AHRR: variants seen among roughly 807,000 people sequenced by gnomAD.
The protein encoded by AHRR is ahR repressor.
Under a neutral mutation model 44.0 loss-of-function variants are expected in AHRR, and 28 were observed. The ratio of observed to expected loss-of-function variants is 0.64; its 90% confidence interval spans 0.47 to 0.87. AHRR has a LOEUF of 0.87. Among genes scored for constraint, AHRR ranks in the 40% least tolerant of loss-of-function variants. The pLI, the probability that AHRR is intolerant of heterozygous loss-of-function variation, is 0.00. For synonymous variants in AHRR, 434 were observed against 407.0 expected (o/e 1.07, Z -0.80); for missense variants, 990 against 953.9 (o/e 1.04, Z -0.50).
intron 4 of AHRR, among the ~76,000 whole-genome samples, chr5:389,992 G>A (rs966909896): frequency 4.1e-4 from 62 of 151,202 alleles, no homozygotes; most frequent in Admixed American, 7.2e-4. Context: ...ACAGTGATGC[G>A]CAGAATGCAG....
At chr5:428,049 C>T (rs768238670) in intron 8 of AHRR, 43 bp downstream of exon 8, 24 of 1,572,572 alleles carry the variant, frequency 1.5e-5, no homozygotes, top group African/African-American at 1.4e-4. Flanking sequence ...TGCCTGCTGG[C>T]GGCCCCCACA....
intron 2 of AHRR, among the ~76,000 whole-genome samples, chr5:350,464 C>T (rs147280072): frequency 3.9e-5 from 6 of 152,322 alleles, no homozygotes; most frequent in African/African-American, 7.2e-5. Flanking sequence ...TTCTCCTGCA[C>T]GCCCTCAGGG....
At chr5:324,811 G>A (rs577752017) in intron 1 of AHRR, among the ~76,000 whole-genome samples, 33 of 152,090 alleles carry the variant, frequency 2.2e-4, no homozygotes, top group Non-Finnish European at 3.4e-4. Context: ...AACAAAAAAC[G>A]AAAAACCCAA....
In AHRR at chr5:434,735, G is replaced by A. The variant is rs748467449; in HGVS notation, c.1995G>A (p.Trp665Ter). The A allele has an allele frequency of 1.9e-6, 3 of 1,570,156 alleles. No homozygotes were observed. The highest frequency in any genetic ancestry group is 1.4e-5 in the African/African-American group (1 of 73,950). Residue 665 changes from tryptophan to a stop codon, truncating the protein, a stop_gained, in exon 11 of 11, where the codon TGG becomes TGA. Transcript: ENST00000684583. LOFTEE classifies it low-confidence loss of function (END_TRUNC). The part of the protein sequence containing the change: ...VKREPLDSPQ[W>*]ATHSQGMVPG... ...GGGAGCCCTTGGACTCACCCCAGTG[G>A]GCTACTCACAGCCAGGGAATGGTGC...
chr5:405,371 A>G lies in AHRR; in HGVS notation c.352-7973A>G, dbSNP rs1048558485. ...GAAACGTGGTGGAGTTCAGGGTGAT[A>G]ACGATGGGCTTCTTTACTGATGCCA... On this transcript the variant is annotated intron_variant, in intron 4 of 10. Transcript: ENST00000684583. This position sits in a 1 kb window ranked among gnomAD's most constrained non-coding sequence, Gnocchi z 4.5. 7.9e-5 allele frequency among the ~76,000 whole-genome samples: 12 copies of G among 152,106 alleles called. No homozygotes were observed. Among genetic ancestry groups the G allele is most frequent in the African/African-American group, 2.9e-4 (12 of 41,408 alleles).
chr5:424,707 G>T (rs1291572713), intron 7 of AHRR, among the ~76,000 whole-genome samples: 2 of 152,178 alleles, frequency 1.3e-5, no homozygotes, highest in African/African-American at 4.8e-5. Flanking sequence ...AGAGCCTCTG[G>T]CTGTGGCTGG....
In AHRR at chr5:387,480, C is replaced by G. The variant is rs1316093803; in HGVS notation, c.351+10764C>G. ...TCCTCCATCCACAGGGACGGATTTT[C>G]TCTCCAGGTGCTTATGTGCACACAA... On this transcript the variant is annotated intron_variant, in intron 4 of 10. Coordinates refer to ENST00000684583, the MANE Select transcript of AHRR (RefSeq NM_001377236.1). This position sits in a 1 kb window ranked among gnomAD's most constrained non-coding sequence, Gnocchi z 5.1. Among the ~76,000 whole-genome samples, 1 of 152,250 alleles carries G rather than the reference C, an allele frequency of 6.6e-6. No individual in the cohort carries two copies. The highest frequency in any genetic ancestry group is 1.5e-5 in the Non-Finnish European group (1 of 68,044).
Position 404,116 on chromosome 5 carries a change from G to A in AHRR, c.352-9228G>A. On this transcript the variant is annotated intron_variant, in intron 4 of 10. Transcript: ENST00000684583. This position sits in a 1 kb window ranked among gnomAD's most constrained non-coding sequence, Gnocchi z 4.1. ...CGTTGTCAGGGTTGGTCCAGGTTTG[G>A]GGTTACCCTTCTCCGTCTCTCTCAG... 1.7e-6 allele frequency: 1 copy of A among 572,160 alleles called. No homozygotes were observed. Among genetic ancestry groups the A allele is most frequent in the Non-Finnish European group, 3.3e-6 (1 of 300,650 alleles). 35.4% of individuals were successfully genotyped at this position (572,160 alleles called of 1,614,324 possible).
At chr5:423,732 A>G (rs1366724219) in intron 6 of AHRR, 109 bp from the exon 7 acceptor site, 1 of 1,397,692 alleles carries the variant, frequency 7.2e-7, no homozygotes, top group Non-Finnish European at 9.5e-7. Flanking sequence ...TGGCACAGTG[A>G]TAGGGTTTAC....
rs779114387 is a variant in AHRR at position 423,810 on chromosome 5, C to T, written c.572-31C>T. 3.6e-4 allele frequency: 564 copies of T among 1,564,860 alleles called. 3 individuals are homozygous for T. The highest frequency in any genetic ancestry group is 6.8e-4 in the East Asian group (30 of 44,164). On this transcript the variant is annotated intron_variant, in intron 6 of 10. Transcript: ENST00000684583. The stretch of plus-strand genomic sequence containing the variant: ...ACACGTGTGTTTTGGCTTCTCCCAC[C>T]GCCACGCCCCTTGGCCCCTATGGTC...
In AHRR at chr5:403,099, G is replaced by A. The variant is rs549481727; in HGVS notation, c.352-10245G>A. ...CACTGTGGCTCGGATCCACCTTGAC[G>A]ACTCTGCGGAGTGAAACAAAGTCAA... On this transcript the variant is annotated intron_variant, in intron 4 of 10. Coordinates refer to ENST00000684583, the MANE Select transcript of AHRR (RefSeq NM_001377236.1). 6.8e-4 allele frequency among the ~76,000 whole-genome samples: 104 copies of A among 152,306 alleles called. 1 individual carries two copies. The highest frequency in any genetic ancestry group is 4.4e-3 in the South Asian group (21 of 4,824).
rs140390072 is a variant in AHRR at position 348,632 on chromosome 5, C to T, written c.62+4668C>T. On this transcript the variant is annotated intron_variant, in intron 2 of 10. Coordinates refer to ENST00000684583, the MANE Select transcript of AHRR (RefSeq NM_001377236.1). ...AATCACACAGCATTTTGTCTGTCTG[C>T]ACTTGGTATAAAAGTTCTGAGATTC... is the stretch of plus-strand genomic sequence containing the variant. Among the ~76,000 whole-genome samples, 779 of 152,320 alleles carry T rather than the reference C, an allele frequency of 5.1e-3. 12 individuals are homozygous for T. Among genetic ancestry groups the T allele is most frequent in the African/African-American group, 0.018 (731 of 41,570 alleles).
chr5:345,792 C>G (rs1742652609), intron 2 of AHRR, among the ~76,000 whole-genome samples: 1 of 152,014 alleles, frequency 6.6e-6, no homozygotes, highest in Non-Finnish European at 1.5e-5. Context: ...CTGCGGGGCC[C>G]CAGGAGGAGC....
chr5:421,218 C>T, intron 5 of AHRR: 2 of 681,120 alleles, frequency 2.9e-6, no homozygotes, highest in Non-Finnish European at 5.3e-6. Flanking sequence ...CAGCGGCCTC[C>T]TCGTCGGCAA....
In AHRR at chr5:392,804, G is replaced by A. The variant is rs187706870; in HGVS notation, c.351+16088G>A. 4.4e-3 allele frequency among the ~76,000 whole-genome samples: 672 copies of A among 152,108 alleles called. 5 individuals carry two copies. The highest frequency in any genetic ancestry group is 0.015 in the African/African-American group (635 of 41,470). ...TTACGTCATTTCATCAGGCCTTACC[G>A]CGACTGCCTCAGGCCTTACCGTGGC... is the stretch of plus-strand genomic sequence containing the variant. On this transcript the variant is annotated intron_variant, in intron 4 of 10. Coordinates refer to ENST00000684583, the MANE Select transcript of AHRR (RefSeq NM_001377236.1).
chr5:425,954 C>T (rs570328507), intron 7 of AHRR, among the ~76,000 whole-genome samples: 45 of 152,268 alleles, frequency 3.0e-4, no homozygotes, highest in Non-Finnish European at 5.3e-4. Flanking sequence ...CTCCCTCATG[C>T]CACCCACAGG....
chr5:326,171 C>T lies in AHRR; in HGVS notation c.-11+4352C>T, dbSNP rs547311558. Among the ~76,000 whole-genome samples the T allele has an allele frequency of 7.9e-4, 120 of 152,346 alleles. No individual in the cohort carries two copies. The highest frequency in any genetic ancestry group is 2.7e-3 in the African/African-American group (113 of 41,586). On this transcript the variant is annotated intron_variant, in intron 1 of 10. Transcript: ENST00000684583. This position sits in a 1 kb window ranked among gnomAD's most constrained non-coding sequence, Gnocchi z 4.1. The stretch of plus-strand genomic sequence containing the variant: ...AGTTCAGGGGCATTTAGTACATTGA[C>T]GAAGTTGTGCAGCCACTGCCTCTCT...
intron 3 of AHRR, among the ~76,000 whole-genome samples, chr5:372,097 T>A (rs1215479629): frequency 6.6e-6 from 1 of 152,246 alleles, no homozygotes; most frequent in Middle Eastern, 3.2e-3. Flanking sequence ...TTTCTGCTGG[T>A]TGAGCTCCTC....
intron 4 of AHRR, among the ~76,000 whole-genome samples, chr5:409,357 C>T (rs1686640620): frequency 6.6e-6 from 1 of 152,174 alleles, no homozygotes; most frequent in East Asian, 1.9e-4. Flanking sequence ...AAGGCTGGAA[C>T]TTCTGGGTTG....
Sources: gnomAD v4.1 joint callset for allele counts (sites outside exome capture counted in the v4.1 genomes callset) on GRCh38, gnomAD v4.1.1 for gene constraint, Gnocchi (gnomAD v3.1) non-coding constraint, MANE v1.5 for transcripts, NCBI Gene and HGNC (gene_info 2026-07-23, HGNC 2026-07-21) for gene names.